Variants in GDAP1 observed in about 807,000 individuals in gnomAD.
GDAP1 encodes the protein ganglioside induced differentiation associated protein 1.
GDAP1 carries 34 observed loss-of-function variants against 40.1 expected under a neutral mutation model. That is an observed-to-expected ratio of 0.85 (90% CI 0.64 to 1.13). The LOEUF is 1.13. Ranked by LOEUF, GDAP1 falls within the 50% of genes most tolerant of loss-of-function variation. The probability of loss-of-function intolerance (pLI) is 0.00; values close to 1 mark genes in which losing one functional copy is unlikely to be tolerated. For missense variants in GDAP1, 374 were observed against 433.7 expected (o/e 0.86, Z 1.22); for synonymous variants, 170 against 157.4 (o/e 1.08, Z -0.60).
intron 2 of GDAP1, among the ~76,000 whole-genome samples, chr8:74,449,179 G>A (rs1236023029): frequency 6.6e-6 from 1 of 151,684 alleles, no homozygotes; most frequent in African/African-American, 2.4e-5. Context: ...CTGTTTCTGG[G>A]TTGTGTTCTA....
At chr8:74,479,184 C>T (rs556240100) in intron 2 of GDAP1, among the ~76,000 whole-genome samples, 1 of 152,260 alleles carries the variant, frequency 6.6e-6, no homozygotes, top group South Asian at 2.1e-4. Flanking sequence ...ATTATTATTA[C>T]TTTCTTGAAA....
At chr8:74,421,578 C>G (rs956326620) in intron 2 of GDAP1, among the ~76,000 whole-genome samples, 6 of 152,086 alleles carry the variant, frequency 3.9e-5, no homozygotes, top group African/African-American at 9.7e-5. Flanking sequence ...GTGATGGTAA[C>G]CATATTGAAC....
chr8:74,458,158 C>G (rs573974313), intron 2 of GDAP1, among the ~76,000 whole-genome samples: 1 of 152,136 alleles, frequency 6.6e-6, no homozygotes, highest in East Asian at 1.9e-4. Context: ...TTTATTAACT[C>G]ATTGCAAACT....
intron 2 of GDAP1, among the ~76,000 whole-genome samples, chr8:74,354,029 C>T (rs959750786): frequency 6.6e-6 from 1 of 151,966 alleles, no homozygotes; most frequent in Non-Finnish European, 1.5e-5. Context: ...AGAACATTTG[C>T]GATTACGTTA....
At chr8:74,406,255 G>A (rs566257710) in intron 2 of GDAP1, among the ~76,000 whole-genome samples, 1 of 150,368 alleles carries the variant, frequency 6.7e-6, no homozygotes, top group South Asian at 2.1e-4. Flanking sequence ...TCAACAGCAT[G>A]GCCATATGTT....
At chr8:74,455,477 C>A (rs1806325209) in intron 2 of GDAP1, among the ~76,000 whole-genome samples, 1 of 151,648 alleles carries the variant, frequency 6.6e-6, no homozygotes, top group Admixed American at 6.6e-5. Flanking sequence ...AGGATATGAC[C>A]CAAAGAATCT....
At chr8:74,467,654 G>A (rs180686244) in intron 2 of GDAP1, among the ~76,000 whole-genome samples, 185 of 152,248 alleles carry the variant, frequency 1.2e-3, no homozygotes, top group Non-Finnish European at 2.2e-3. Context: ...ATTATACAGA[G>A]GTTGTAATTA....
At chr8:74,372,000 T>C (rs1809762753) in intron 2 of GDAP1, among the ~76,000 whole-genome samples, 2 of 144,876 alleles carry the variant, frequency 1.4e-5, no homozygotes, top group Non-Finnish European at 3.0e-5. Context: ...TTCCCACCTA[T>C]GAGTGAGAAC....
intron 2 of GDAP1, among the ~76,000 whole-genome samples, chr8:74,458,382 C>T (rs1209935148): frequency 6.6e-6 from 1 of 152,112 alleles, no homozygotes; most frequent in Non-Finnish European, 1.5e-5. Context: ...ATAAAGGACA[C>T]ATGTGAAATG....
intron 2 of GDAP1, among the ~76,000 whole-genome samples, chr8:74,388,586 GT>G (rs1453348168): frequency 1.3e-5 from 2 of 152,016 alleles, no homozygotes; most frequent in African/African-American, 2.4e-5. Context: ...GCTGAGGAGT[GT>G]TTTACTTCCA....
downstream of GDAP1, among the ~76,000 whole-genome samples, chr8:74,370,989 G>A (rs1025866620): frequency 1.3e-5 from 2 of 152,142 alleles, no homozygotes; most frequent in Non-Finnish European, 2.9e-5. Context: ...CAGAACCAAT[G>A]GAAAATGTTA....
chr8:74,377,534 T>C (rs1304013836), intron 2 of GDAP1, among the ~76,000 whole-genome samples: 1 of 152,220 alleles, frequency 6.6e-6, no homozygotes, highest in East Asian at 1.9e-4. Context: ...AAACTATTAA[T>C]ATACAGTCTA....
chr8:74,434,315 A>G (rs1444083942), intron 2 of GDAP1, among the ~76,000 whole-genome samples: 1 of 152,234 alleles, frequency 6.6e-6, no homozygotes, highest in African/African-American at 2.4e-5. Context: ...TGTCTGTGAC[A>G]GTGTCAGCCA....
chr8:74,466,340 C>T (rs993522499), intron 2 of GDAP1, among the ~76,000 whole-genome samples: 6 of 152,184 alleles, frequency 3.9e-5, no homozygotes, highest in East Asian at 1.9e-4. Context: ...TTTAGGGAAA[C>T]GTGATCTGAT....
At chr8:74,436,210 T>C (rs764320333) in intron 2 of GDAP1, among the ~76,000 whole-genome samples, 27 of 152,192 alleles carry the variant, frequency 1.8e-4, no homozygotes, top group Non-Finnish European at 3.7e-4. Flanking sequence ...TACATGGCTC[T>C]GTCCACACAG....
intron 2 of GDAP1, among the ~76,000 whole-genome samples, chr8:74,374,893 T>G (rs1809825308): frequency 6.6e-6 from 1 of 152,200 alleles, no homozygotes; most frequent in Admixed American, 6.5e-5. Context: ...CTAAATGGTT[T>G]TATTAGTAAA....
chr8:74,393,941 T>C (rs1007518768), intron 2 of GDAP1, among the ~76,000 whole-genome samples: 90 of 152,320 alleles, frequency 5.9e-4, no homozygotes, highest in African/African-American at 2.0e-3. Context: ...TACCCTTTTT[T>C]CCCCTCATTC....
At chr8:74,351,167 A>G in intron 1 of GDAP1, 107 bp from the exon 2 acceptor site, 1 of 864,474 alleles carries the variant, frequency 1.2e-6, no homozygotes, top group East Asian at 2.4e-5. Flanking sequence ...GACTGTTGAA[A>G]ATGTCGGTAA....
intron 2 of GDAP1, among the ~76,000 whole-genome samples, chr8:74,471,986 T>C (rs1048162651): frequency 6.6e-6 from 1 of 152,168 alleles, no homozygotes; most frequent in African/African-American, 2.4e-5. Flanking sequence ...TGTGCAGGTT[T>C]GTTATATAGG....
Sources: gnomAD v4.1 joint callset for allele counts (sites outside exome capture counted in the v4.1 genomes callset) on GRCh38, gnomAD v4.1.1 for gene constraint, MANE v1.5 for transcripts, NCBI Gene and HGNC (gene_info 2026-07-23, HGNC 2026-07-21) for gene names.